Variants in SPMIP3 observed in about 807,000 individuals in gnomAD.
SPMIP3 encodes sperm microtubule inner protein 3, also known as protein SPMIP3.
chr1:244,357,556 A>G, the SPMIP3 span, among the ~76,000 whole-genome samples: 1 of 151,948 alleles, frequency 6.6e-6, no homozygotes, highest in South Asian at 2.1e-4. Context: ...TAAAAATACA[A>G]AAATTAGGCG....
the SPMIP3 span, chr1:244,388,969 C>CTGAATT: frequency 1.2e-6 from 2 of 1,613,422 alleles, no homozygotes; most frequent in South Asian, 2.2e-5. Flanking sequence ...CAGAAATTAG[C>CTGAATT]CACAGTTTCG....
At chr1:244,374,716 C>A in the SPMIP3 span, among the ~76,000 whole-genome samples, 3,421 of 151,328 alleles carry the variant, frequency 0.023, 149 homozygotes, top group African/African-American at 0.078. Flanking sequence ...CCTGGCGCAG[C>A]CTTCCCAGTA....
the SPMIP3 span, among the ~76,000 whole-genome samples, chr1:244,371,086 A>G: frequency 1.5e-3 from 225 of 152,252 alleles, no homozygotes; most frequent in Non-Finnish European, 2.2e-3. Flanking sequence ...TCCTATAGAT[A>G]TTGAATTTTG....
At chr1:244,368,929 G>A in the SPMIP3 span, among the ~76,000 whole-genome samples, 1 of 152,236 alleles carries the variant, frequency 6.6e-6, no homozygotes, top group African/African-American at 2.4e-5. Flanking sequence ...GGCAGGCGAG[G>A]CAGGCGGATC....
At chr1:244,353,496 T>A in the SPMIP3 span, among the ~76,000 whole-genome samples, 19 of 152,148 alleles carry the variant, frequency 1.2e-4, no homozygotes, top group African/African-American at 4.3e-4. Flanking sequence ...TTTTCTTAAA[T>A]AATAAAATGA....
the SPMIP3 span, among the ~76,000 whole-genome samples, chr1:244,355,613 C>T: frequency 6.6e-6 from 1 of 152,162 alleles, no homozygotes; most frequent in Non-Finnish European, 1.5e-5. Context: ...GTCTCGATCT[C>T]TTGACCTCGT....
At chr1:244,371,152 T>A in the SPMIP3 span, among the ~76,000 whole-genome samples, 1 of 152,112 alleles carries the variant, frequency 6.6e-6, no homozygotes, top group Admixed American at 6.5e-5. Flanking sequence ...AGGGAACAGG[T>A]TTGCTCTCAT....
chr1:244,356,063 T>C, the SPMIP3 span, among the ~76,000 whole-genome samples: 2 of 152,236 alleles, frequency 1.3e-5, no homozygotes, highest in African/African-American at 2.4e-5. Flanking sequence ...TTTCTTGAGA[T>C]TTTCTACGTG....
At chr1:244,374,372 C>T in the SPMIP3 span, among the ~76,000 whole-genome samples, 13 of 152,136 alleles carry the variant, frequency 8.5e-5, no homozygotes, top group African/African-American at 2.7e-4. Context: ...GGCTTGCAAG[C>T]GCCTTGTGCT....
the SPMIP3 span, among the ~76,000 whole-genome samples, chr1:244,374,540 G>A: frequency 1.3e-4 from 18 of 140,304 alleles, no homozygotes; most frequent in African/African-American, 2.6e-4. Context: ...TTATTTTTAT[G>A]TACTTTTTTC....
the SPMIP3 span, among the ~76,000 whole-genome samples, chr1:244,360,847 G>T: frequency 6.8e-6 from 1 of 147,676 alleles, no homozygotes; most frequent in East Asian, 2.0e-4. Flanking sequence ...TTGCGCCATT[G>T]CACTCCAGCC....
At chr1:244,377,849 G>A in the SPMIP3 span, among the ~76,000 whole-genome samples, 2 of 151,928 alleles carry the variant, frequency 1.3e-5, no homozygotes, top group Non-Finnish European at 2.9e-5. Context: ...AGACAGGGTC[G>A]GGCTCTGTCA....
chr1:244,354,664 T>C, the SPMIP3 span, among the ~76,000 whole-genome samples: 1 of 152,208 alleles, frequency 6.6e-6, no homozygotes, highest in Admixed American at 6.5e-5. Context: ...GCTGGCCTGA[T>C]TTAACAACAC....
the SPMIP3 span, chr1:244,378,373 C>T: frequency 3.1e-6 from 4 of 1,299,802 alleles, no homozygotes; most frequent in Non-Finnish European, 4.3e-6. Context: ...CTGTTAGCCT[C>T]ACGGCCGTTT....
the SPMIP3 span, chr1:244,364,807 G>GC: frequency 6.4e-7 from 1 of 1,573,076 alleles, no homozygotes; most frequent in Non-Finnish European, 8.8e-7. Context: ...AGGCAGCCAG[G>GC]TGCCTGGGGA....
chr1:244,382,841 A>G, the SPMIP3 span, among the ~76,000 whole-genome samples: 1 of 151,908 alleles, frequency 6.6e-6, no homozygotes, highest in East Asian at 1.9e-4. Context: ...TGACCTCGTG[A>G]TCTGCCTGAC....
chr1:244,358,604 T>C, the SPMIP3 span, among the ~76,000 whole-genome samples: 1 of 113,546 alleles, frequency 8.8e-6, no homozygotes, highest in East Asian at 2.5e-4. Context: ...AAATTAAGTA[T>C]GTATGTGTAT....
At chr1:244,358,494 A>G in the SPMIP3 span, among the ~76,000 whole-genome samples, 2 of 151,982 alleles carry the variant, frequency 1.3e-5, no homozygotes, top group African/African-American at 2.4e-5. Context: ...CTGAGGCATC[A>G]GAATTGCTTG....
chr1:244,388,053 G>A, the SPMIP3 span, among the ~76,000 whole-genome samples: 2 of 151,524 alleles, frequency 1.3e-5, no homozygotes, highest in African/African-American at 2.4e-5. Flanking sequence ...TCACCTTACC[G>A]AGTAGCTGGG....
Sources: gnomAD v4.1 joint callset for allele counts (sites outside exome capture counted in the v4.1 genomes callset) on GRCh38, gnomAD v4.1.1 for gene constraint, MANE v1.5 for transcripts, NCBI Gene and HGNC (gene_info 2026-07-23, HGNC 2026-07-21) for gene names.